Variants in AVPI1 observed in about 807,000 individuals in gnomAD.
AVPI1 encodes the protein arginine vasopressin-induced protein 1.
In AVPI1, 9 loss-of-function variants were observed where a neutral mutation model predicts 11.9. That is an observed-to-expected ratio of 0.76 (90% CI 0.46 to 1.32). The LOEUF is 1.32. Among genes scored for constraint, AVPI1 ranks in the 40% most tolerant of loss-of-function variants. AVPI1 has a pLI of 0.00. For synonymous variants in AVPI1, 68 were observed against 78.1 expected (o/e 0.87, Z 0.68); for missense variants, 207 against 195.8 (o/e 1.06, Z -0.34).
rs5787253 is a variant in AVPI1, at chr10:97,684,497, CT to C, written c.-11+2268del. On this transcript the variant is annotated intron_variant, in intron 1 of 2. Transcript: ENST00000370626. ...TTTGAGGCCCCTCACTCTTTTTACT[CT>C]TTTTTTTTTTTTTTTTTGAGGCGGA... is the stretch of plus-strand genomic sequence containing the variant. 4.9e-4 allele frequency among the ~76,000 whole-genome samples: 58 copies of C among 117,550 alleles called. 1 individual carries two copies. Among genetic ancestry groups the C allele is most frequent in the African/African-American group, 7.6e-4 (23 of 30,128 alleles). The allele number at this position is 117,550 out of a possible 152,430, so 77.1% of individuals were successfully genotyped here. A position where few individuals can be genotyped will look rare whatever the true frequency, so the allele number is the denominator to read the frequency against.
intron 2 of AVPI1, among the ~76,000 whole-genome samples, chr10:97,678,933 G>GACAGGA (rs2135769313): frequency 2.4e-5 from 1 of 42,428 alleles, no homozygotes; most frequent in African/African-American, 9.9e-5. Flanking sequence ...GTGTGTGTGT[G>GACAGGA]TGTGTGTGTG....
intron 2 of AVPI1, among the ~76,000 whole-genome samples, chr10:97,678,539 G>T (rs2041678452): frequency 6.6e-6 from 1 of 152,214 alleles, no homozygotes; most frequent in Non-Finnish European, 1.5e-5. Flanking sequence ...GCTGGCAGTG[G>T]CCTAGGCAAA....
chr10:97,678,922 T>TTTTCAGAGACAGGATCTCGCC (rs1564779832), intron 2 of AVPI1, among the ~76,000 whole-genome samples: 305 of 17,230 alleles, frequency 0.018, 29 homozygotes, highest in East Asian at 0.086. Context: ...TGTGTGTGTG[T>TTTTCAGAGACAGGATCTCGCC]GTGTGTGTGT....
chr10:97,683,142 T>C (rs1169267651), intron 1 of AVPI1, among the ~76,000 whole-genome samples: 1 of 152,162 alleles, frequency 6.6e-6, no homozygotes. Context: ...TTCAAATGAC[T>C]GCAGCCCATG....
chr10:97,678,263 C>T (rs1215646228), intron 2 of AVPI1, among the ~76,000 whole-genome samples: 2 of 152,232 alleles, frequency 1.3e-5, no homozygotes, highest in Non-Finnish European at 2.9e-5. Flanking sequence ...TCTTCATCCT[C>T]ATCCTGTACT....
chr10:97,685,429 C>T (rs918170630), intron 1 of AVPI1, among the ~76,000 whole-genome samples: 4 of 152,230 alleles, frequency 2.6e-5, no homozygotes, highest in African/African-American at 9.6e-5. Flanking sequence ...AGGAGAGTAT[C>T]TCACTGCAGT....
intron 2 of AVPI1, among the ~76,000 whole-genome samples, chr10:97,678,948 T>TTTTCAGA: frequency 1.2e-4 from 5 of 40,004 alleles, no homozygotes; most frequent in Non-Finnish European, 2.1e-4. Context: ...TGTGTGTGTG[T>TTTTCAGA]GTGTGTGTGT....
chr10:97,678,095 G>C, intron 2 of AVPI1, 70 bp from the exon 3 acceptor site: 2 of 1,505,642 alleles, frequency 1.3e-6, no homozygotes, highest in East Asian at 2.3e-5. Context: ...AAGAGATTTC[G>C]TCATGGTGGA....
intron 1 of AVPI1, among the ~76,000 whole-genome samples, chr10:97,685,082 A>G (rs541145495): frequency 6.6e-6 from 1 of 152,306 alleles, no homozygotes; most frequent in African/African-American, 2.4e-5. Context: ...AAATGAAACC[A>G]TGGGGCTATT....
At chr10:97,681,894 G>GAAAAAAAAAAAAAAA (rs555725587) in intron 1 of AVPI1, among the ~76,000 whole-genome samples, 2 of 106,266 alleles carry the variant, frequency 1.9e-5, no homozygotes, top group Admixed American at 1.1e-4. Flanking sequence ...CAAAAAAAAA[G>GAAAAAAAAAAAAAAA]AAAAAAAAAA....
intron 1 of AVPI1, 142 bp from the exon 2 acceptor site, chr10:97,680,057 G>C: frequency 1.2e-6 from 1 of 800,458 alleles, no homozygotes; most frequent in Non-Finnish European, 1.9e-6. Flanking sequence ...AATCACTTAA[G>C]CACTTATGTG....
rs763659747 is a variant in AVPI1, at chr10:97,679,788, G to A, written c.118C>T (p.Gln40Ter). ...TCCCCGCTGCGTTGAAACAGGGCTT[G>A]GATCTGCAGCAGCTCGGCGTCCTGG... ...IFQDAELLQI[Q>*]ALFQRSGDQL... The change falls in exon 2 of 3, where the codon CAA becomes TAA. Residue 40 changes from glutamine to a stop codon, truncating the protein, a stop_gained. Transcript: ENST00000370626. LOFTEE classifies it high-confidence loss of function. 7 of 1,613,812 alleles carry A rather than the reference G, an allele frequency of 4.3e-6. No individual in the cohort carries two copies. In the East Asian group the frequency reaches 1.6e-4, roughly 36 times the overall value.
chr10:97,678,763 C>G (rs1205432254), intron 2 of AVPI1, among the ~76,000 whole-genome samples: 1 of 151,802 alleles, frequency 6.6e-6, no homozygotes, highest in Non-Finnish European at 1.5e-5. Context: ...TCATAGCTTA[C>G]TGCAGCCTCA....
rs17108338 is a variant in AVPI1, at chr10:97,682,714, T to G, written c.-10-2799A>C. Among the ~76,000 whole-genome samples the G allele has an allele frequency of 9.3e-3, 1,411 of 152,244 alleles. 19 individuals are homozygous for G. The highest frequency in any genetic ancestry group is 0.028 in the African/African-American group (1,167 of 41,536). On this transcript the variant is annotated intron_variant, in intron 1 of 2. Transcript: ENST00000370626. ...TTTCCAGGCCTTCTATCATAAAAAC[T>G]CCACCCTGTTTTCAAAAGATTTAAC... is the stretch of plus-strand genomic sequence containing the variant.
chr10:97,679,947 C>G (rs753135816), intron 1 of AVPI1, 32 bp from the exon 2 acceptor site: 1 of 1,493,060 alleles, frequency 6.7e-7, no homozygotes, highest in Non-Finnish European at 8.9e-7. Flanking sequence ...ACATCATCAA[C>G]TCAGCTGGTC....
chr10:97,678,557 CCCACCAGGGAGA>C (rs1316127103), intron 2 of AVPI1, among the ~76,000 whole-genome samples: 9 of 152,134 alleles, frequency 5.9e-5, no homozygotes, highest in Non-Finnish European at 1.0e-4. Context: ...AAAGAAGTGG[CCCACCAGGGAGA>C]CTGGGGAGAG....
intron 1 of AVPI1, among the ~76,000 whole-genome samples, chr10:97,684,422 T>C (rs1408135504): frequency 6.6e-6 from 1 of 150,694 alleles, no homozygotes; most frequent in African/African-American, 2.4e-5. Context: ...AGTCTGAGCC[T>C]CCAGCCTCAA....
Position 97,679,697 on chromosome 10 carries a change from G to T in AVPI1, c.209C>A (p.Ala70Asp), listed in dbSNP as rs117859077. 1,040 of 1,614,176 alleles carry T rather than the reference G, an allele frequency of 6.4e-4. 16 individuals carry two copies. The East Asian group carries it at 0.018, about 28-fold the overall frequency. ...CCTCTTCCTGCGCAGCCTCTTGAGGGCCTCAGCCACACGGTGGTCCCCTGC... is the reference window on the plus strand; with the variant it reads ...CCTCTTCCTGCGCAGCCTCTTGAGGTCCTCAGCCACACGGTGGTCCCCTGC... ...ECAGDHRVAE[A>D]LKRLRRKRPP... The change falls in exon 2 of 3, where the codon GCC becomes GAC. Residue 70 changes from alanine to aspartate, a missense_variant. Coordinates refer to ENST00000370626, the MANE Select transcript of AVPI1 (RefSeq NM_021732.3).
At position 97,677,972 on chromosome 10, in the gene AVPI1, G is replaced by C; in HGVS notation, c.341C>G (p.Ala114Gly). The stretch of plus-strand genomic sequence containing the variant: ...AGAGTGCAGATACTGCTCACTGGAG[G>C]CTGTCTCTGTGGCACTCTGTGGGTT... ...LANPQSATET[A>G]SSEQYLHSRK... is the part of the protein sequence containing the mutation. The change falls in exon 3 of 3, where the codon GCC (alanine) becomes GGC (glycine). Residue 114 changes from alanine to glycine, a missense_variant. Coordinates refer to ENST00000370626, the MANE Select transcript of AVPI1 (RefSeq NM_021732.3). 6.2e-7 allele frequency: 1 copy of C among 1,614,186 alleles called. No individual in the cohort carries two copies. Among genetic ancestry groups the C allele is most frequent in the Non-Finnish European group, 8.5e-7 (1 of 1,180,018 alleles).
Sources: gnomAD v4.1 joint callset for allele counts (sites outside exome capture counted in the v4.1 genomes callset) on GRCh38, gnomAD v4.1.1 for gene constraint, MANE v1.5 for transcripts, NCBI Gene and HGNC (gene_info 2026-07-23, HGNC 2026-07-21) for gene names.